INTS6L: variants seen among roughly 807,000 people sequenced by gnomAD.
INTS6L encodes the protein integrator complex subunit 6 like.
A neutral mutation model predicts 64.7 loss-of-function variants in INTS6L; 18 were observed. The ratio of observed to expected loss-of-function variants is 0.28; its 90% CI spans 0.19 to 0.41. The LOEUF (loss-of-function observed/expected upper bound fraction) is 0.41. Ranked by LOEUF, INTS6L falls within the 10% of genes least tolerant of loss-of-function variation. The pLI, the probability that INTS6L is intolerant of heterozygous loss-of-function variation, is 1.00. For missense variants in INTS6L, 533 were observed against 661.0 expected (o/e 0.81, Z 2.12); for synonymous variants, 227 against 235.9 (o/e 0.96, Z 0.34).
chrX:135,536,727 A>G (rs1341613920), intron 2 of INTS6L, among the ~76,000 whole-genome samples: 2 of 111,737 alleles, frequency 1.8e-5, no homozygotes, highest in Non-Finnish European at 3.8e-5. Context: ...AATGGGATGA[A>G]GTTCAGTATT....
chrX:135,580,918 A>G, intron 16 of INTS6L, 132 bp from the exon 17 acceptor site: 2 of 474,151 alleles, frequency 4.2e-6, no homozygotes, highest in Non-Finnish European at 6.7e-6. Context: ...AGATATTTTG[A>G]TAAGAATGTT....
intron 9 of INTS6L, among the ~76,000 whole-genome samples, chrX:135,565,627 G>T (rs1556524515): frequency 8.9e-6 from 1 of 111,746 alleles, no homozygotes; most frequent in Non-Finnish European, 1.9e-5. Flanking sequence ...ACCCTGCCTA[G>T]AGCATGATGA....
intron 11 of INTS6L, chrX:135,571,573 T>C (rs2087092240): frequency 1.8e-5 from 2 of 112,183 alleles, no homozygotes; most frequent in South Asian, 7.4e-4. Flanking sequence ...AGTGTGCTTA[T>C]AAGTGCAAAA....
intron 14 of INTS6L, among the ~76,000 whole-genome samples, chrX:135,575,634 C>A (rs782137383): frequency 1.8e-5 from 2 of 112,326 alleles, no homozygotes; most frequent in Non-Finnish European, 3.8e-5. Flanking sequence ...ACACTAATTT[C>A]TTTAATATCG....
At chrX:135,538,376 T>A (rs1433525454) in intron 2 of INTS6L, among the ~76,000 whole-genome samples, 1 of 112,433 alleles carries the variant, frequency 8.9e-6, no homozygotes, top group Non-Finnish European at 1.9e-5. Flanking sequence ...TTCATTAAAG[T>A]TTTATTATGA....
chrX:135,536,992 A>C (rs1556508966), intron 2 of INTS6L, among the ~76,000 whole-genome samples: 1 of 112,109 alleles, frequency 8.9e-6, no homozygotes, highest in Non-Finnish European at 1.9e-5. Context: ...CTTTAGCACC[A>C]CATGTCAGAG....
chrX:135,557,719 A>C lies in INTS6L; in HGVS notation c.1192+1419A>C, dbSNP rs782299968. Among the ~76,000 whole-genome samples the C allele has an allele frequency of 4.5e-5, 5 of 112,205 alleles. No individual in the cohort carries two copies. In the South Asian group the frequency reaches 1.8e-3, roughly 41 times the overall value. ...TATTTTGAGATAATTGCAGATTCAC[A>C]TGTAGTTGTAAGAAATAATATAGAA... is the stretch of plus-strand genomic sequence containing the variant. On this transcript the variant is annotated intron_variant, in intron 9 of 17. Transcript: ENST00000639893.
intron 7 of INTS6L, among the ~76,000 whole-genome samples, chrX:135,551,184 C>T (rs916176832): frequency 8.9e-5 from 10 of 112,250 alleles, no homozygotes; most frequent in Admixed American, 3.8e-4. Context: ...TTACAGGTTT[C>T]GCAACAAGAA....
chrX:135,536,993 C>T (rs1286774025), intron 2 of INTS6L, among the ~76,000 whole-genome samples: 1 of 112,165 alleles, frequency 8.9e-6, no homozygotes, highest in Admixed American at 9.5e-5. Context: ...TTTAGCACCA[C>T]ATGTCAGAGA....
intron 8 of INTS6L, 105 bp from the exon 9 acceptor site, chrX:135,556,063 A>G (rs1401884829): frequency 2.4e-6 from 2 of 829,522 alleles, no homozygotes; most frequent in African/African-American, 4.2e-5. Context: ...TTTTAAAATT[A>G]CAATCAAATT....
rs372931364 is a variant in INTS6L, at chrX:135,534,405, C to T, written c.190-11018C>T. On this transcript the variant is annotated intron_variant, in intron 2 of 17. Transcript: ENST00000639893. ...TGTTAAATACATTTCTGCAATATAT[C>T]GGGGGAGGTCAATTTCTTAATATCT... Among the ~76,000 whole-genome samples the T allele has an allele frequency of 9.1e-5, 10 of 110,133 alleles. No individual in the cohort carries two copies. In the East Asian group the frequency reaches 1.7e-3, roughly 19 times the overall value.
At chrX:135,560,224 A>G (rs1230144393) in intron 9 of INTS6L, among the ~76,000 whole-genome samples, 3 of 112,123 alleles carry the variant, frequency 2.7e-5, no homozygotes, top group Non-Finnish European at 3.8e-5. Context: ...GTTCACTGCT[A>G]GTATATACAA....
intron 9 of INTS6L, among the ~76,000 whole-genome samples, chrX:135,568,323 T>C: frequency 9.0e-6 from 1 of 110,860 alleles, no homozygotes; most frequent in East Asian, 2.8e-4. Flanking sequence ...GTACATGGTA[T>C]TCAAGAAACA....
At chrX:135,573,526 T>G (rs782710715) in intron 12 of INTS6L, among the ~76,000 whole-genome samples, 2 of 112,574 alleles carry the variant, frequency 1.8e-5, no homozygotes, top group East Asian at 5.6e-4. Context: ...CTGCAGCGGA[T>G]CCCTATGGCA....
At position 135,540,463 on chromosome X, in the gene INTS6L, A is replaced by C. The variant is rs868991106; in HGVS notation, c.190-4960A>C. Among the ~76,000 whole-genome samples the C allele has an allele frequency of 9.0e-5, 10 of 111,538 alleles. 1 individual carries two copies. In the Middle Eastern group the frequency reaches 0.028, roughly 308 times the overall value. On this transcript the variant is annotated intron_variant, in intron 2 of 17. Transcript: ENST00000639893. Reference sequence around the variant, plus strand: ...TGATTATTTTACCTTGGAGAGACTTAAAATTTGACCTGTGAAGATAATAAA... The same window carrying C: ...TGATTATTTTACCTTGGAGAGACTTCAAATTTGACCTGTGAAGATAATAAA...
At chrX:135,539,700 C>T (rs1407287529) in intron 2 of INTS6L, among the ~76,000 whole-genome samples, 2 of 112,036 alleles carry the variant, frequency 1.8e-5, no homozygotes, top group African/African-American at 6.5e-5. Context: ...GAGAGAAGTG[C>T]AACTGTTCCT....
chrX:135,573,400 C>T (rs1459219712), intron 12 of INTS6L, among the ~76,000 whole-genome samples: 4 of 112,605 alleles, frequency 3.6e-5, no homozygotes, highest in Admixed American at 2.8e-4. Flanking sequence ...ACCTCTAGCA[C>T]CAAGATTTCC....
At chrX:135,581,414 A>T in intron 17 of INTS6L, 114 bp from the exon 18 acceptor site, 1 of 584,935 alleles carries the variant, frequency 1.7e-6, no homozygotes, top group Non-Finnish European at 2.7e-6. Flanking sequence ...CCATGAGGAC[A>T]ATCTTTATAT....
Position 135,545,486 on chromosome X carries a change from C to T in INTS6L, c.253C>T (p.Leu85=). The part of the protein sequence containing the change: ...SELKNLQASG[L]TTLGQALRSS... ...ACTAAAAAATCTTCAGGCTTCTGGA[C>T]TGACTACTCTCGGTCAGGCTCTAAG... is the stretch of plus-strand genomic sequence containing the variant. The change falls in exon 3 of 18, where the codon CTG becomes TTG. Residue 85 remains leucine (L), a synonymous_variant. Transcript: ENST00000639893. The T allele has an allele frequency of 1.7e-6, 2 of 1,210,683 alleles. No individual in the cohort carries two copies. Among genetic ancestry groups the T allele is most frequent in the Non-Finnish European group, 2.2e-6 (2 of 895,113 alleles).
Sources: gnomAD v4.1 joint callset for allele counts (sites outside exome capture counted in the v4.1 genomes callset) on GRCh38, gnomAD v4.1.1 for gene constraint, MANE v1.5 for transcripts, NCBI Gene and HGNC (gene_info 2026-07-23, HGNC 2026-07-21) for gene names.